Variants in TRIM72 observed in about 807,000 individuals in gnomAD.
TRIM72 encodes the protein tripartite motif-containing protein 72.
In TRIM72, 33 loss-of-function variants were observed where a neutral mutation model predicts 31.6. The ratio of observed to expected loss-of-function variants is 1.04; its 90% CI spans 0.79 to 1.40. The LOEUF is 1.40. TRIM72 is among the 40% of genes most tolerant of loss of function. The probability of loss-of-function intolerance (pLI) is 0.00; values close to 1 mark genes in which losing one functional copy is unlikely to be tolerated. For missense variants in TRIM72, 666 were observed against 682.7 expected (o/e 0.98, Z 0.27); for synonymous variants, 301 against 314.4 (o/e 0.96, Z 0.45).
chr16:31,216,564 G>T lies in TRIM72; in HGVS notation c.390+1436G>T, dbSNP rs532227022. 6.6e-6 allele frequency among the ~76,000 whole-genome samples: 1 copy of T among 152,310 alleles called. No homozygotes were observed. The highest frequency in any genetic ancestry group is 2.1e-4 in the South Asian group (1 of 4,832). ...GGAGCCTGGAAGGGGGCAGTGGGGC[G>T]AGATGCAGCCCACCAGGGTTCGCGG... On this transcript the variant is annotated intron_variant, in intron 2 of 6. Coordinates refer to ENST00000322122, the MANE Select transcript of TRIM72 (RefSeq NM_001008274.4). This position sits in a 1 kb window ranked among gnomAD's most constrained non-coding sequence, Gnocchi z 6.7.
chr16:31,224,900 C>T lies in TRIM72; in HGVS notation c.*145C>T, dbSNP rs2144200661. Reference sequence around the variant, plus strand: ...GGGGATCTCCCAGAATACTGACAAGCGTGGGGTAGGACTGGCTTGGTGGCT... The same window carrying T: ...GGGGATCTCCCAGAATACTGACAAGTGTGGGGTAGGACTGGCTTGGTGGCT... On this transcript the variant is annotated 3_prime_UTR_variant, in exon 7 of 7. Coordinates refer to ENST00000322122, the MANE Select transcript of TRIM72 (RefSeq NM_001008274.4). 1.2e-6 allele frequency: 1 copy of T among 852,740 alleles called. No individual in the cohort carries two copies. The highest frequency in any genetic ancestry group is 2.2e-5 in the South Asian group (1 of 44,630). The allele number at this position is 852,740 out of a possible 1,614,324, so 52.8% of individuals were successfully genotyped here.
At chr16:31,214,688 C>T in intron 1 of TRIM72, 44 bp from the exon 2 acceptor site, 1 of 1,455,046 alleles carries the variant, frequency 6.9e-7, no homozygotes, top group Non-Finnish European at 9.0e-7. Flanking sequence ...GGGCCGGGAG[C>T]GCGGCGCCGC....
intron 5 of TRIM72, among the ~76,000 whole-genome samples, chr16:31,222,614 A>G (rs1025566977): frequency 6.6e-6 from 1 of 151,282 alleles, no homozygotes; most frequent in African/African-American, 2.4e-5. Context: ...CATTTTAAGC[A>G]TTTTTAAGTG....
chr16:31,218,955 T>G, intron 2 of TRIM72, 140 bp from the exon 3 acceptor site: 1 of 712,712 alleles, frequency 1.4e-6, no homozygotes, highest in Non-Finnish European at 2.4e-6. Context: ...CTGGGAGGCA[T>G]GTAAGTGGGT....
At chr16:31,214,659 C>A (rs2079497919) in intron 1 of TRIM72, 73 bp from the exon 2 acceptor site, 4 of 1,386,236 alleles carry the variant, frequency 2.9e-6, no homozygotes, top group Non-Finnish European at 3.7e-6. Flanking sequence ...CCGGCCTGGG[C>A]TAGGGCTGGG....
At chr16:31,222,769 C>T in intron 5 of TRIM72, 58 bp from the exon 6 acceptor site, 2 of 684,398 alleles carry the variant, frequency 2.9e-6, no homozygotes, top group Non-Finnish European at 4.6e-6. Flanking sequence ...TCCTGGAATC[C>T]CCCCAGCCCT....
At position 31,214,771 on chromosome 16, in the gene TRIM72, G is replaced by A. The variant is rs2079498911; in HGVS notation, c.33G>A (p.Glu11=). The A allele has an allele frequency of 5.7e-6, 9 of 1,579,552 alleles. No individual in the cohort carries two copies. The highest frequency in any genetic ancestry group is 7.7e-6 in the Non-Finnish European group (9 of 1,172,636). Residue 11 remains glutamate (E), a synonymous_variant, in exon 2 of 7, where the codon GAG becomes GAA. Transcript: ENST00000322122. ...CTGCGCCCGGCCTCCTGCACCAGGA[G>A]CTGTCCTGCCCGCTGTGCCTGCAGC... MSAAPGLLHQ[E]LSCPLCLQLF...
intron 2 of TRIM72, chr16:31,217,073 A>G: frequency 1.3e-6 from 2 of 1,571,206 alleles, no homozygotes; most frequent in Non-Finnish European, 8.7e-7. Context: ...TGGAGCCATC[A>G]GGTCCTACCT....
rs746304195 is a variant in TRIM72, at chr16:31,219,222, TG to T, written c.486+37del. ...ACTTCACAGGGCCATGTCTGAGGGC[TG>T]GGGGCCAGGCTAGGGGTCTCCAGCC... On this transcript the variant is annotated intron_variant, in intron 3 of 6. Transcript: ENST00000322122. The surrounding 1 kb of genome is among the most constrained non-coding windows in gnomAD (Gnocchi z 4.2). The T allele has an allele frequency of 1.3e-5, 21 of 1,613,818 alleles. No individual in the cohort carries two copies. Among genetic ancestry groups the T allele is most frequent in the Non-Finnish European group, 1.7e-5 (20 of 1,179,886 alleles).
In TRIM72 at chr16:31,222,871, ACAT is replaced by A. The variant is rs1182525887; in HGVS notation, c.787_789del (p.Ile263del). ...GAGTCTCCCCCACCCGCCCGTCTGG[ACAT>A]CCAGCTGCCAATTATCTCAGATGAC... On this transcript the variant is annotated inframe_deletion, in exon 6 of 7. Transcript: ENST00000322122. 1.5e-6 allele frequency: 2 copies of A among 1,368,014 alleles called. No homozygotes were observed. The highest frequency in any genetic ancestry group is 1.9e-6 in the Non-Finnish European group (2 of 1,045,722). The allele number at this position is 1,368,014 out of a possible 1,614,324, so 84.7% of individuals were successfully genotyped here.
At chr16:31,221,060 T>C (rs992923859) in intron 5 of TRIM72, 142 bp downstream of exon 5, 7 of 1,089,812 alleles carry the variant, frequency 6.4e-6, no homozygotes, top group Non-Finnish European at 9.7e-6. Flanking sequence ...CACAAGGTTG[T>C]AGACAGAAAT....
chr16:31,228,460 C>T lies in TRIM72; in HGVS notation c.*3705C>T, dbSNP rs1037833209. On this transcript the variant is annotated 3_prime_UTR_variant, in exon 7 of 7. Transcript: ENST00000322122. ...TGTGGTCTCCTGTGTTGCTCCTCAC[C>T]CTGTAGACTGTGGGCTGTGGGCTGT... 1 of 152,354 alleles carries T rather than the reference C, an allele frequency of 6.6e-6. No homozygotes were observed. The highest frequency in any genetic ancestry group is 1.5e-5 in the Non-Finnish European group (1 of 68,254). The allele number at this position is 152,354 out of a possible 1,614,324, so 9.4% of individuals were successfully genotyped here.
At chr16:31,220,808 A>G (rs1470921701) in intron 4 of TRIM72, 88 bp from the exon 5 acceptor site, 2 of 1,531,132 alleles carry the variant, frequency 1.3e-6, no homozygotes, top group African/African-American at 1.4e-5. Flanking sequence ...CGTTGCACTC[A>G]GCATTCCTAG....
rs1303129279 is a variant in TRIM72, at chr16:31,229,442, T to A, written c.*4687T>A. 1 of 152,302 alleles carries A rather than the reference T, an allele frequency of 6.6e-6. No individual in the cohort carries two copies. The highest frequency in any genetic ancestry group is 1.5e-5 in the Non-Finnish European group (1 of 68,094). 9.4% of individuals were successfully genotyped at this position (152,302 alleles called of 1,614,324 possible). Reference sequence around the variant, plus strand: ...TGCCACAGGTTCTTTCTGCGTATAGTTGCCCCAGCTTGAGCTGCATGCATT... The same window carrying A: ...TGCCACAGGTTCTTTCTGCGTATAGATGCCCCAGCTTGAGCTGCATGCATT... On this transcript the variant is annotated 3_prime_UTR_variant, in exon 7 of 7. Transcript: ENST00000322122.
intron 2 of TRIM72, among the ~76,000 whole-genome samples, chr16:31,217,786 T>C (rs2079517150): frequency 6.6e-6 from 1 of 152,150 alleles, no homozygotes; most frequent in South Asian, 2.1e-4. Flanking sequence ...AGGTAATTTT[T>C]GTATTTTTAG....
At position 31,215,235 on chromosome 16, in the gene TRIM72, A is replaced by G; in HGVS notation, c.390+107A>G. The G allele has an allele frequency of 9.6e-7, 1 of 1,046,506 alleles. No individual in the cohort carries two copies. Among genetic ancestry groups the G allele is most frequent in the South Asian group, 2.5e-5 (1 of 40,480 alleles). The allele number at this position is 1,046,506 out of a possible 1,614,324, so 64.8% of individuals were successfully genotyped here. On this transcript the variant is annotated intron_variant, in intron 2 of 6. Coordinates refer to ENST00000322122, the MANE Select transcript of TRIM72 (RefSeq NM_001008274.4). The surrounding 1 kb of genome is among the most constrained non-coding windows in gnomAD (Gnocchi z 6.3). The stretch of plus-strand genomic sequence containing the variant: ...TTCTGAGTCTCTAGAGAGGCTCACG[A>G]GCTCCTGGAGTTGCGGGGGGCGGGG...
Position 31,222,813 on chromosome 16 carries a change from C to A in TRIM72, c.741-14C>A. On this transcript the variant is annotated splice_polypyrimidine_tract_variant and intron_variant, in intron 5 of 6. Transcript: ENST00000322122. ...CCCCTCACACATGCCTCCCCTTCCC[C>A]TCCCCACCCCCAGGCTGCAGAAGAT... is the stretch of plus-strand genomic sequence containing the variant. 2.0e-6 allele frequency: 2 copies of A among 982,812 alleles called. No homozygotes were observed. The highest frequency in any genetic ancestry group is 3.0e-5 in the Admixed American group (1 of 33,756). 60.9% of individuals were successfully genotyped at this position (982,812 alleles called of 1,614,324 possible).
chr16:31,214,678 G>A, intron 1 of TRIM72, 54 bp from the exon 2 acceptor site: 2 of 1,432,054 alleles, frequency 1.4e-6, no homozygotes, highest in South Asian at 1.5e-5. Context: ...GGCCAGGGCT[G>A]GGCCGGGAGC....
In TRIM72 at chr16:31,231,510, G is replaced by A. The variant is rs892936644; in HGVS notation, c.*6755G>A. 6.6e-6 allele frequency: 1 copy of A among 151,998 alleles called. No homozygotes were observed. The highest frequency in any genetic ancestry group is 1.5e-5 in the Non-Finnish European group (1 of 68,032). 9.4% of individuals were successfully genotyped at this position (151,998 alleles called of 1,614,324 possible). On this transcript the variant is annotated 3_prime_UTR_variant, in exon 7 of 7. Coordinates refer to ENST00000322122, the MANE Select transcript of TRIM72 (RefSeq NM_001008274.4). ...CCAAAAGTAAAAATCAAGATGTCAC[G>A]TTCCCATTAAAACAAACATAGAGTA...
Sources: allele counts gnomAD v4.1 joint callset (sites outside exome capture counted in the v4.1 genomes callset), GRCh38; gene constraint gnomAD v4.1.1; non-coding constraint Gnocchi (gnomAD v3.1); transcripts MANE v1.5; gene names NCBI Gene and HGNC (gene_info 2026-07-23, HGNC 2026-07-21).